Variants in HK1 observed in about 807,000 individuals in gnomAD.
HK1 encodes the protein hexokinase-1.
HK1 carries 28 observed loss-of-function variants against 91.6 expected under a neutral mutation model. The observed-to-expected ratio is 0.31, with a 90% CI of 0.23 to 0.42. The LOEUF (loss-of-function observed/expected upper bound fraction) is 0.42, where lower values mean the gene tolerates loss of function less well. Ranked by LOEUF, HK1 falls within the 10% of genes least tolerant of loss-of-function variation. HK1 has a pLI of 1.00. For missense variants in HK1, 770 were observed against 1,219.8 expected, an observed-to-expected ratio of 0.63 and a Z score of 5.49; for synonymous variants, 430 against 468.1, an observed-to-expected ratio of 0.92 and a Z score of 1.05.
intron 1 of HK1, among the ~76,000 whole-genome samples, chr10:69,325,545 A>ATTT (rs1847302163): frequency 7.7e-6 from 1 of 129,836 alleles, no homozygotes; most frequent in Non-Finnish European, 1.6e-5. Flanking sequence ...TTTTTTTTTG[A>ATTT]GATGGGGTCT....
chr10:69,342,843 G>C (rs1438894595), intron 1 of HK1, among the ~76,000 whole-genome samples: 3 of 152,174 alleles, frequency 2.0e-5, no homozygotes, highest in African/African-American at 7.2e-5. Flanking sequence ...TCAATTCTAG[G>C]CACCTAGCTG....
intron 2 of HK1, among the ~76,000 whole-genome samples, chr10:69,351,638 A>G (rs79028079): frequency 0.13 from 20,370 of 152,190 alleles, 1,551 homozygotes; most frequent in South Asian, 0.27. Flanking sequence ...TCTGGCCCCC[A>G]CTTTCCTTGG....
In HK1 at chr10:69,285,121, G is replaced by A. The variant is rs185970631; in HGVS notation, c.-215+2417G>A. Among the ~76,000 whole-genome samples the A allele has an allele frequency of 2.6e-3, 389 of 151,966 alleles. 1 individual carries two copies. Among genetic ancestry groups the A allele is most frequent in the African/African-American group, 8.9e-3 (370 of 41,504 alleles). On this transcript the variant is annotated intron_variant, in intron 2 of 21. Coordinates refer to the HK1 transcript ENST00000360289. The stretch of plus-strand genomic sequence containing the variant: ...GGCATGTGCCACCGCACCCAGCCGT[G>A]AGATCCTATTCCTTAAAAAAACAAA...
intron 4 of HK1, among the ~76,000 whole-genome samples, chr10:69,367,620 G>C (rs936477396): frequency 1.3e-5 from 2 of 152,070 alleles, no homozygotes; most frequent in African/African-American, 4.8e-5. Flanking sequence ...TGCCCTCCCT[G>C]GTGCATACTC....
chr10:69,391,129 G>A (rs117548401), intron 14 of HK1, among the ~76,000 whole-genome samples: 1 of 152,228 alleles, frequency 6.6e-6, no homozygotes, highest in Non-Finnish European at 1.5e-5. Flanking sequence ...GGTTGCATGT[G>A]TGCGGTGTGT....
chr10:69,391,780 C>A (rs1297482267), intron 14 of HK1, among the ~76,000 whole-genome samples: 15 of 152,094 alleles, frequency 9.9e-5, no homozygotes, highest in Admixed American at 9.8e-4. Flanking sequence ...GTATATATTT[C>A]TTCTTCTGGT....
At chr10:69,381,546 C>CTTTTTTT (rs35306200) in intron 9 of HK1, among the ~76,000 whole-genome samples, 4 of 132,246 alleles carry the variant, frequency 3.0e-5, no homozygotes, top group African/African-American at 3.0e-5. Flanking sequence ...TCATCTTAAC[C>CTTTTTTT]TTTTTTTTTT....
intron 1 of HK1, among the ~76,000 whole-genome samples, chr10:69,342,599 G>C (rs1198866008): frequency 1.3e-5 from 2 of 152,214 alleles, no homozygotes; most frequent in Non-Finnish European, 2.9e-5. Flanking sequence ...CTTGGCAGTG[G>C]GGAGGCATTG....
chr10:69,271,261 A>ACCATGTC (rs1844146204), intron 1 of HK1, among the ~76,000 whole-genome samples: 1 of 152,092 alleles, frequency 6.6e-6, no homozygotes, highest in Admixed American at 6.6e-5. Context: ...TGTACCATGT[A>ACCATGTC]CCCCTTGGAC....
chr10:69,369,660 GA>G lies in HK1; in HGVS notation c.875+37del. 2 of 1,570,776 alleles carry G rather than the reference GA, an allele frequency of 1.3e-6. No homozygotes were observed. The highest frequency in any genetic ancestry group is 1.7e-6 in the Non-Finnish European group (2 of 1,145,512). ...GACTTTTGCTTCTAACCACATATGT[GA>G]GTTAGGGGACATTTGATGAAAGATT... On this transcript the variant is annotated intron_variant, in intron 7 of 17. Coordinates refer to ENST00000359426, the MANE Select transcript of HK1 (RefSeq NM_000188.3). The surrounding 1 kb of genome is among the most constrained non-coding windows in gnomAD (Gnocchi z 4.4).
At chr10:69,372,723 G>A (rs60478902) in intron 7 of HK1, among the ~76,000 whole-genome samples, 6,113 of 152,202 alleles carry the variant, frequency 0.04, 392 homozygotes, top group African/African-American at 0.14. Flanking sequence ...CTGAGTACAT[G>A]TTAGAGTTAC....
At chr10:69,397,831 C>CA (rs1840209995) in intron 16 of HK1, among the ~76,000 whole-genome samples, 1 of 151,498 alleles carries the variant, frequency 6.6e-6, no homozygotes, top group Middle Eastern at 3.2e-3. Context: ...TTTATATGGC[C>CA]AAAAAACAAA....
At chr10:69,329,800 T>TCCTGCCCCTCC (rs1370671489) in intron 1 of HK1, among the ~76,000 whole-genome samples, 1 of 151,910 alleles carries the variant, frequency 6.6e-6, no homozygotes, top group Non-Finnish European at 1.5e-5. Context: ...GCCCCCCATC[T>TCCTGCCCCTCC]CCTGCCCCTC....
chr10:69,309,766 G>A (rs1324716316), intron 5 of HK1, among the ~76,000 whole-genome samples: 3 of 147,764 alleles, frequency 2.0e-5, no homozygotes, highest in Non-Finnish European at 3.0e-5. Context: ...GCACCACTCG[G>A]CCAGGCGAGG....
intron 1 of HK1, among the ~76,000 whole-genome samples, chr10:69,323,577 C>CAATTCTGA (rs1359872829): frequency 1.3e-5 from 2 of 150,726 alleles, no homozygotes; most frequent in Non-Finnish European, 3.0e-5. Context: ...CATAACCTCT[C>CAATTCTGA]AATTCTGATG....
At chr10:69,282,460 A>T (rs910679852) in intron 1 of HK1, 1 of 152,200 alleles carries the variant, frequency 6.6e-6, no homozygotes, top group African/African-American at 2.4e-5. Flanking sequence ...GCGCAGGCTC[A>T]ACCCCTTGCA....
chr10:69,368,814 T>C (rs1010968925), intron 5 of HK1, among the ~76,000 whole-genome samples, 183 bp downstream of exon 5: 1 of 152,010 alleles, frequency 6.6e-6, no homozygotes, highest in Admixed American at 6.6e-5. Context: ...AGCCCAGCTC[T>C]CGGAGGTGCT....
In HK1 at chr10:69,380,871, T is replaced by G. The variant is rs1839353780; in HGVS notation, c.1265+776T>G. On this transcript the variant is annotated intron_variant, in intron 9 of 17. Coordinates refer to ENST00000359426, the MANE Select transcript of HK1 (RefSeq NM_000188.3). This position sits in a 1 kb window ranked among gnomAD's most constrained non-coding sequence, Gnocchi z 4.0. ...TTTAATAAGTTTTAATGCTAGCCTGTGACATGATTGTTTTGCACAGGACCT... is the reference window on the plus strand; with the variant it reads ...TTTAATAAGTTTTAATGCTAGCCTGGGACATGATTGTTTTGCACAGGACCT... Among the ~76,000 whole-genome samples the G allele has an allele frequency of 6.6e-6, 1 of 152,232 alleles. No individual in the cohort carries two copies. The highest frequency in any genetic ancestry group is 2.4e-5 in the African/African-American group (1 of 41,464).
At chr10:69,373,669 C>T (rs948224669) in intron 7 of HK1, among the ~76,000 whole-genome samples, 5 of 151,524 alleles carry the variant, frequency 3.3e-5, no homozygotes, top group African/African-American at 1.2e-4. Flanking sequence ...CAGCTCACTG[C>T]AGCCTTAAAC....
Sources: gnomAD v4.1 joint callset for allele counts (sites outside exome capture counted in the v4.1 genomes callset) on GRCh38, gnomAD v4.1.1 for gene constraint, Gnocchi (gnomAD v3.1) non-coding constraint, MANE v1.5 for transcripts, NCBI Gene and HGNC (gene_info 2026-07-23, HGNC 2026-07-21) for gene names.